ERAP1: variants seen among roughly 807,000 people sequenced by gnomAD.
ERAP1 encodes the protein endoplasmic reticulum aminopeptidase 1.
Under a neutral mutation model 103.7 loss-of-function variants are expected in ERAP1, and 86 were observed. The ratio of observed to expected loss-of-function variants is 0.83; its 90% CI spans 0.70 to 0.99. The LOEUF is 0.99. Ranked by LOEUF, ERAP1 falls within the 50% of genes least tolerant of loss-of-function variation. ERAP1 has a pLI of 0.00. For synonymous variants in ERAP1, 398 were observed against 402.4 expected (o/e 0.99, Z 0.13); for missense variants, 1,009 against 1,128.4 (o/e 0.89, Z 1.52).
At chr5:96,794,039 G>A (rs563115072) in intron 5 of ERAP1, 82 bp from the exon 6 acceptor site, 1 of 1,405,400 alleles carries the variant, frequency 7.1e-7, no homozygotes, top group Non-Finnish European at 1.0e-6. Context: ...ATGGATAGGT[G>A]TTTGAACCAG....
intron 19 of ERAP1, chr5:96,767,596 T>C (rs1770450494): frequency 2.7e-6 from 2 of 741,590 alleles, no homozygotes; most frequent in African/African-American, 3.5e-5. Context: ...CCTGGTACTT[T>C]GTCAAAGCAT....
At chr5:96,767,941 T>C in intron 19 of ERAP1, 1 of 1,613,728 alleles carries the variant, frequency 6.2e-7, no homozygotes, top group South Asian at 1.1e-5. Flanking sequence ...ATTGATGCTC[T>C]CTCAGGAGAT....
chr5:96,899,680 A>C, the ERAP1 span, among the ~76,000 whole-genome samples: 1 of 152,210 alleles, frequency 6.6e-6, no homozygotes, highest in Non-Finnish European at 1.5e-5. Context: ...TTGGTAAACA[A>C]AGGTGTTTCC....
chr5:96,804,645 A>G (rs1033707936), intron 1 of ERAP1, among the ~76,000 whole-genome samples: 1 of 152,230 alleles, frequency 6.6e-6, no homozygotes, highest in African/African-American at 2.4e-5. Flanking sequence ...TTTTAAAGAC[A>G]TAAAAGCAAT....
chr5:96,895,185 T>TTG, the ERAP1 span: 5 of 1,027,688 alleles, frequency 4.9e-6, no homozygotes, highest in East Asian at 1.3e-4. Context: ...TTGTATTTTT[T>TTG]GCTAAAGTTA....
chr5:96,927,494 T>A, the ERAP1 span, among the ~76,000 whole-genome samples: 1 of 152,208 alleles, frequency 6.6e-6, no homozygotes, highest in Non-Finnish European at 1.5e-5. Flanking sequence ...CTTTTTTTTT[T>A]TGTTTGTTTT....
the ERAP1 span, among the ~76,000 whole-genome samples, chr5:96,858,624 G>A: frequency 1.3e-5 from 2 of 152,180 alleles, no homozygotes; most frequent in Non-Finnish European, 2.9e-5. Context: ...ATTTCTCTGA[G>A]CCCTAAATTT....
chr5:96,908,747 C>A, the ERAP1 span, among the ~76,000 whole-genome samples: 11 of 151,938 alleles, frequency 7.2e-5, no homozygotes, highest in African/African-American at 2.7e-4. Flanking sequence ...TATTATTATC[C>A]CCATTGTATA....
chr5:96,851,675 T>C, the ERAP1 span, among the ~76,000 whole-genome samples: 8 of 152,132 alleles, frequency 5.3e-5, no homozygotes, highest in Non-Finnish European at 1.2e-4. Context: ...GGGAAAACAG[T>C]CTCAATTTTC....
At chr5:96,857,964 A>G in the ERAP1 span, among the ~76,000 whole-genome samples, 1 of 152,350 alleles carries the variant, frequency 6.6e-6, no homozygotes, top group East Asian at 1.9e-4. Flanking sequence ...TGTGCAAAGG[A>G]TAAAATGAAG....
chr5:96,906,572 G>A, the ERAP1 span, among the ~76,000 whole-genome samples: 8 of 152,214 alleles, frequency 5.3e-5, no homozygotes, highest in African/African-American at 1.9e-4. Context: ...CCAGAATGGA[G>A]AGAGAATTTG....
chr5:96,872,080 G>T, the ERAP1 span, among the ~76,000 whole-genome samples: 20 of 151,976 alleles, frequency 1.3e-4, no homozygotes, highest in African/African-American at 4.8e-4. Context: ...GTCTGAAAAA[G>T]AACATAGGCA....
chr5:96,766,762 AG>A (rs1243648636), intron 19 of ERAP1, among the ~76,000 whole-genome samples: 9 of 152,206 alleles, frequency 5.9e-5, no homozygotes, highest in Non-Finnish European at 1.3e-4. Flanking sequence ...TGAGTCAATT[AG>A]ATGATAAATA....
rs1455736530 is a variant in ERAP1 at position 96,783,075 on chromosome 5, C to T, written c.2261G>A (p.Trp754Ter). The T allele has an allele frequency of 6.2e-7, 1 of 1,614,176 alleles. No individual in the cohort carries two copies. Among genetic ancestry groups the T allele is most frequent in the Admixed American group, 1.7e-5 (1 of 60,030 alleles). ...VQRAEGYFRK[W>*]KESNGNLSLP... ...CCTCAAGTTTCCATTGGATTCCTTCCACTTTCTGAAATAGCCTTCTGCCCT... is the reference window on the plus strand; with the variant it reads ...CCTCAAGTTTCCATTGGATTCCTTCTACTTTCTGAAATAGCCTTCTGCCCT... Residue 754 changes from tryptophan (W) to a stop codon, truncating the protein, a stop_gained, in exon 15 of 19, where the codon TGG becomes TAG. Coordinates refer to ENST00000443439, the MANE Select transcript of ERAP1 (RefSeq NM_001040458.3). LOFTEE classifies it high-confidence loss of function.
At chr5:96,854,864 G>T in the ERAP1 span, among the ~76,000 whole-genome samples, 1 of 152,050 alleles carries the variant, frequency 6.6e-6, no homozygotes, top group Non-Finnish European at 1.5e-5. Flanking sequence ...ACTATCCAAG[G>T]GTAGCCTTTT....
the ERAP1 span, chr5:96,913,440 G>C: frequency 5.0e-6 from 8 of 1,613,932 alleles, no homozygotes; most frequent in Non-Finnish European, 6.8e-6. Flanking sequence ...GAGAAAATTG[G>C]ACCCATCTTC....
chr5:96,871,269 C>T, the ERAP1 span, among the ~76,000 whole-genome samples: 1 of 152,188 alleles, frequency 6.6e-6, no homozygotes, highest in East Asian at 1.9e-4. Flanking sequence ...CAGAGCTTGC[C>T]TATTTGTTTC....
intron 19 of ERAP1, among the ~76,000 whole-genome samples, chr5:96,768,789 A>G (rs1357203562): frequency 6.6e-6 from 1 of 152,202 alleles, no homozygotes; most frequent in Non-Finnish European, 1.5e-5. Flanking sequence ...GCACAGCTCA[A>G]GCATCAGCTC....
chr5:96,892,254 G>A, the ERAP1 span: 15 of 1,599,144 alleles, frequency 9.4e-6, no homozygotes, highest in Admixed American at 1.7e-5. Flanking sequence ...TCTATTTCTG[G>A]TGTGGGAGCC....
Sources: allele counts gnomAD v4.1 joint callset (sites outside exome capture counted in the v4.1 genomes callset), GRCh38; gene constraint gnomAD v4.1.1; transcripts MANE v1.5; gene names NCBI Gene and HGNC (gene_info 2026-07-23, HGNC 2026-07-21).